SHROOM4: variants seen among roughly 807,000 people sequenced by gnomAD.
The protein encoded by SHROOM4 is shroom family member 4.
A neutral mutation model predicts 80.3 loss-of-function variants in SHROOM4; 17 were observed. The observed-to-expected ratio is 0.21, with a 90% CI of 0.14 to 0.32. The LOEUF is 0.32. Among genes scored for constraint, SHROOM4 ranks in the 10% least tolerant of loss-of-function variants. SHROOM4 has a pLI of 1.00. For synonymous variants in SHROOM4, 400 were observed against 437.5 expected (o/e 0.91, Z 1.07); for missense variants, 993 against 1,140.3 (o/e 0.87, Z 1.86).
At chrX:50,690,825 G>A in intron 2 of SHROOM4, among the ~76,000 whole-genome samples, 1 of 111,528 alleles carries the variant, frequency 9.0e-6, no homozygotes, top group South Asian at 3.8e-4. Flanking sequence ...AAATTATCTG[G>A]GTGTGGTGGT....
At chrX:50,584,983 G>A, downstream of SHROOM4, among the ~76,000 whole-genome samples, 1 of 111,084 alleles carries the variant, frequency 9.0e-6, no homozygotes, top group Non-Finnish European at 1.9e-5. Flanking sequence ...AGTTGGGCAA[G>A]AGCATACAGC....
chrX:50,781,969 G>A (rs782726427), intron 1 of SHROOM4, among the ~76,000 whole-genome samples: 1 of 111,739 alleles, frequency 8.9e-6, no homozygotes, highest in Non-Finnish European at 1.9e-5. Flanking sequence ...AGCACTTTGG[G>A]AGGCCAAGGC....
At chrX:50,729,385 C>T (rs782527569) in intron 1 of SHROOM4, among the ~76,000 whole-genome samples, 1 of 111,350 alleles carries the variant, frequency 9.0e-6, no homozygotes, top group African/African-American at 3.3e-5. Context: ...ATGAAATATT[C>T]ACTAGAGATT....
chrX:50,591,929 G>C lies in SHROOM4; in HGVS notation c.*4766C>G, dbSNP rs1173828017. The C allele has an allele frequency of 3.1e-6, 1 of 326,898 alleles. No homozygotes were observed. The highest frequency in any genetic ancestry group is 2.7e-5 in the African/African-American group (1 of 37,416). 26.9% of individuals were successfully genotyped at this position (326,898 alleles called of 1,213,427 possible). On this transcript the variant is annotated 3_prime_UTR_variant, in exon 9 of 9. Transcript: ENST00000376020. ...AGATAGGGTTTCACCGTGTTAGCCA[G>C]GATGGTCTTGATCTCCTGACCTCGT...
chrX:50,724,724 G>T (rs1293102896), intron 1 of SHROOM4, among the ~76,000 whole-genome samples: 1 of 112,086 alleles, frequency 8.9e-6, no homozygotes, highest in African/African-American at 3.2e-5. Context: ...CAGGTGATCC[G>T]CCTGCCTCAG....
chrX:50,577,735 AGTGTATGGAGG>A, the SHROOM4 span, among the ~76,000 whole-genome samples: 1 of 112,000 alleles, frequency 8.9e-6, no homozygotes, highest in African/African-American at 3.2e-5. Flanking sequence ...CATAGTTACC[AGTGTATGGAGG>A]GTGTATCAGA....
downstream of SHROOM4, among the ~76,000 whole-genome samples, chrX:50,586,041 C>T (rs1277849443): frequency 2.7e-5 from 3 of 111,504 alleles, no homozygotes; most frequent in African/African-American, 9.8e-5. Flanking sequence ...TTACCACTGC[C>T]CACTTTTCTA....
chrX:50,618,419 C>T (rs7066606), intron 5 of SHROOM4, among the ~76,000 whole-genome samples: 24,225 of 70,572 alleles, frequency 0.34, 4,179 homozygotes, highest in South Asian at 0.42. Flanking sequence ...TTCCTTCCTT[C>T]CTTTCTTATT....
intron 1 of SHROOM4, among the ~76,000 whole-genome samples, chrX:50,703,023 A>T (rs1933561387): frequency 9.0e-6 from 1 of 111,626 alleles, no homozygotes; most frequent in Non-Finnish European, 1.9e-5. Flanking sequence ...ATCAAGGCAA[A>T]ACATTTCTCT....
At chrX:50,717,353 G>A (rs1933987338) in intron 1 of SHROOM4, among the ~76,000 whole-genome samples, 2 of 111,699 alleles carry the variant, frequency 1.8e-5, no homozygotes, top group Admixed American at 9.4e-5. Context: ...CAGTAGCTGG[G>A]ACTACAGGCG....
In SHROOM4 at chrX:50,723,545, T is replaced by C. The variant is rs187881934; in HGVS notation, c.118-27608A>G. On this transcript the variant is annotated intron_variant, in intron 1 of 8. Coordinates refer to ENST00000376020, the MANE Select transcript of SHROOM4 (RefSeq NM_020717.5). ...CCCATTAAATGCTTTTGGTTCATTC[T>C]GATGCTTTAATTTCCTTGGTTAGAG... Among the ~76,000 whole-genome samples, 10 of 111,450 alleles carry C rather than the reference T, an allele frequency of 9.0e-5. No homozygotes were observed. In the East Asian group the frequency reaches 2.9e-3, roughly 32 times the overall value.
chrX:50,740,495 T>C (rs1934627345), intron 1 of SHROOM4, among the ~76,000 whole-genome samples: 1 of 111,359 alleles, frequency 9.0e-6, no homozygotes, highest in South Asian at 3.8e-4. Flanking sequence ...TCAACAATGA[T>C]AGCAGGGGAC....
At position 50,589,857 on chromosome X, in the gene SHROOM4, G is replaced by A. The variant is rs782111850; in HGVS notation, c.*6838C>T. 1.8e-5 allele frequency among the ~76,000 whole-genome samples: 2 copies of A among 112,273 alleles called. No homozygotes were observed. Among genetic ancestry groups the A allele is most frequent in the African/African-American group, 6.5e-5 (2 of 30,914 alleles). On this transcript the variant is annotated 3_prime_UTR_variant, in exon 9 of 9. Transcript: ENST00000376020. ...TAACATTTGGAGAAACTGCCAAGCT[G>A]TTTTTCAATGAGGTTGCATCAATTT... is the stretch of plus-strand genomic sequence containing the variant.
intron 5 of SHROOM4, among the ~76,000 whole-genome samples, chrX:50,609,218 C>T (rs1354416767): frequency 9.1e-6 from 1 of 110,063 alleles, no homozygotes; most frequent in African/African-American, 3.3e-5. Flanking sequence ...GCCATCATTG[C>T]ACCACTGTAC....
intron 1 of SHROOM4, among the ~76,000 whole-genome samples, chrX:50,709,865 C>T (rs1353078613): frequency 4.5e-5 from 5 of 112,087 alleles, no homozygotes; most frequent in Admixed American, 2.8e-4. Flanking sequence ...GTTAGAAATT[C>T]AGGACTCACC....
intron 1 of SHROOM4, among the ~76,000 whole-genome samples, chrX:50,696,308 A>C (rs910122871): frequency 2.7e-5 from 3 of 111,968 alleles, no homozygotes; most frequent in Non-Finnish European, 5.6e-5. Flanking sequence ...GGCTCCATCA[A>C]AATGACCTTT....
At chrX:50,586,669 A>G (rs1557244872), downstream of SHROOM4, among the ~76,000 whole-genome samples, 1 of 111,993 alleles carries the variant, frequency 8.9e-6, no homozygotes. Flanking sequence ...GATTTTCTCT[A>G]TCAAGAGTGG....
chrX:50,769,434 A>G (rs1335517079), intron 1 of SHROOM4, among the ~76,000 whole-genome samples: 2 of 112,043 alleles, frequency 1.8e-5, no homozygotes, highest in Admixed American at 9.4e-5. Context: ...CGCAGGCCCA[A>G]TAGGACCACA....
chrX:50,718,447 C>A (rs1557265107), intron 1 of SHROOM4, among the ~76,000 whole-genome samples: 1 of 110,654 alleles, frequency 9.0e-6, no homozygotes, highest in Non-Finnish European at 1.9e-5. Context: ...GTGGCTGGGT[C>A]CAAGAGTTGG....
Sources: gnomAD v4.1 joint callset for allele counts (sites outside exome capture counted in the v4.1 genomes callset) on GRCh38, gnomAD v4.1.1 for gene constraint, MANE v1.5 for transcripts, NCBI Gene and HGNC (gene_info 2026-07-23, HGNC 2026-07-21) for gene names.